SEC24A: variants seen among roughly 807,000 people sequenced by gnomAD.
SEC24A encodes the protein SEC24 homolog A, COPII component.
In SEC24A, 93 loss-of-function variants were observed where a neutral mutation model predicts 129.4. The observed-to-expected ratio is 0.72, with a 90% CI of 0.61 to 0.85. SEC24A has a LOEUF of 0.85. SEC24A is among the 40% of genes least tolerant of loss of function. The probability of loss-of-function intolerance (pLI) is 0.00; values close to 1 mark genes in which losing one functional copy is unlikely to be tolerated. For missense variants in SEC24A, 1,264 were observed against 1,307.4 expected (o/e 0.97, Z 0.51); for synonymous variants, 460 against 467.3 (o/e 0.98, Z 0.20).
intron 7 of SEC24A, among the ~76,000 whole-genome samples, chr5:134,676,326 G>C (rs1420462860): frequency 6.6e-6 from 1 of 151,780 alleles, no homozygotes; most frequent in Non-Finnish European, 1.5e-5. Flanking sequence ...TTTTAGTAGA[G>C]AGGGGGTTTC....
chr5:134,650,758 GTTT>G (rs1750020322), intron 1 of SEC24A, among the ~76,000 whole-genome samples: 1 of 150,706 alleles, frequency 6.6e-6, no homozygotes, highest in Non-Finnish European at 1.5e-5. Context: ...TTTCTACAGG[GTTT>G]TTTGTTTGTT....
chr5:134,708,655 G>A lies in SEC24A; in HGVS notation c.2552-58G>A, dbSNP rs143985884. ...AAAATTATCTCTTCTATCCTTAACA[G>A]TGGACTAGCTAAACTTCTATCATAT... is the stretch of plus-strand genomic sequence containing the variant. On this transcript the variant is annotated intron_variant, in intron 17 of 22. Transcript: ENST00000398844. 246 of 1,461,766 alleles carry A rather than the reference G, an allele frequency of 1.7e-4. No individual in the cohort carries two copies. The African/African-American group carries it at 3.3e-3, about 19-fold the overall frequency. The allele number at this position is 1,461,766 out of a possible 1,614,324, so 90.5% of individuals were successfully genotyped here. A position where few individuals can be genotyped will look rare whatever the true frequency, so the allele number is the denominator to read the frequency against.
intron 1 of SEC24A, among the ~76,000 whole-genome samples, chr5:134,656,869 A>T (rs2150068901): frequency 6.7e-6 from 1 of 148,622 alleles, no homozygotes; most frequent in South Asian, 2.1e-4. Flanking sequence ...GCAGCCTTGA[A>T]CTCCTGGGCT....
chr5:134,655,132 C>A (rs537431229), intron 1 of SEC24A, among the ~76,000 whole-genome samples: 124 of 152,214 alleles, frequency 8.1e-4, no homozygotes, highest in Middle Eastern at 3.4e-3. Context: ...CCACCGCACC[C>A]GGCCACATGA....
At chr5:134,712,027 G>C (rs1033692169) in intron 18 of SEC24A, among the ~76,000 whole-genome samples, 1 of 151,678 alleles carries the variant, frequency 6.6e-6, no homozygotes, top group Non-Finnish European at 1.5e-5. Context: ...GATTACAGGC[G>C]TGAGCCACCG....
At chr5:134,685,968 G>C (rs1751436892) in intron 9 of SEC24A, among the ~76,000 whole-genome samples, 1 of 151,778 alleles carries the variant, frequency 6.6e-6, no homozygotes, top group Admixed American at 6.6e-5. Flanking sequence ...CAGCATGGGG[G>C]ACACAGCGAG....
intron 6 of SEC24A, 117 bp downstream of exon 6, chr5:134,675,334 A>T: frequency 1.3e-6 from 1 of 748,546 alleles, no homozygotes; most frequent in South Asian, 2.5e-5. Context: ...AGTTCTGGAT[A>T]CAGATGATAG....
chr5:134,709,864 C>T (rs924939014), intron 18 of SEC24A, among the ~76,000 whole-genome samples: 2 of 149,122 alleles, frequency 1.3e-5, no homozygotes, highest in African/African-American at 5.2e-5. Context: ...ATTTTATTGG[C>T]TCTTTCCTGT....
At chr5:134,653,028 A>G (rs1442670863) in intron 1 of SEC24A, among the ~76,000 whole-genome samples, 1 of 150,502 alleles carries the variant, frequency 6.6e-6, no homozygotes, top group African/African-American at 2.5e-5. Flanking sequence ...GATGGTCTCA[A>G]TCTCCTGACC....
At chr5:134,691,803 G>A (rs1212828484) in intron 11 of SEC24A, among the ~76,000 whole-genome samples, 1 of 152,060 alleles carries the variant, frequency 6.6e-6, no homozygotes, top group African/African-American at 2.4e-5. Flanking sequence ...TTATGAGAAA[G>A]CATCTGCTTT....
At chr5:134,724,941 C>G (rs770363663) in intron 22 of SEC24A, 39 bp from the exon 23 acceptor site, 1 of 1,000,090 alleles carries the variant, frequency 1.0e-6, no homozygotes, top group Middle Eastern at 2.0e-4. Context: ...TATTTTACTG[C>G]TACATTTTAT....
Position 134,679,597 on chromosome 5 carries a change from T to A in SEC24A, c.1255-5T>A, listed in dbSNP as rs772121060. On this transcript the variant is annotated splice_polypyrimidine_tract_variant and splice_region_variant and intron_variant, in intron 7 of 22. Coordinates refer to ENST00000398844, the MANE Select transcript of SEC24A (RefSeq NM_021982.3). ...AAAAATTTAATTCTGTTTTTTTTTT[T>A]CCAGCAATTGCCTGTGGTTACCTCC... is the stretch of plus-strand genomic sequence containing the variant. The A allele has an allele frequency of 6.5e-7, 1 of 1,548,768 alleles. No individual in the cohort carries two copies. Among genetic ancestry groups the A allele is most frequent in the Non-Finnish European group, 8.7e-7 (1 of 1,142,940 alleles).
chr5:134,713,231 G>A (rs890908524), intron 18 of SEC24A, among the ~76,000 whole-genome samples: 11 of 152,054 alleles, frequency 7.2e-5, no homozygotes, highest in Admixed American at 4.6e-4. Context: ...GCGCCCGGCC[G>A]AAATATTTAA....
chr5:134,655,524 C>T (rs1750212257), intron 1 of SEC24A, among the ~76,000 whole-genome samples: 1 of 151,808 alleles, frequency 6.6e-6, no homozygotes, highest in Non-Finnish European at 1.5e-5. Context: ...TGGCGTGCGC[C>T]TGTAATCCCA....
chr5:134,717,811 A>G (rs1752521355), intron 19 of SEC24A, among the ~76,000 whole-genome samples: 1 of 152,046 alleles, frequency 6.6e-6, no homozygotes, highest in Non-Finnish European at 1.5e-5. Flanking sequence ...GCTACTCGGG[A>G]GGCTGAGGCA....
chr5:134,693,636 C>A, intron 12 of SEC24A, 91 bp from the exon 13 acceptor site: 1 of 1,501,658 alleles, frequency 6.7e-7, no homozygotes, highest in South Asian at 1.3e-5. Context: ...ATCATCATGA[C>A]TCAATGTCTT....
intron 1 of SEC24A, among the ~76,000 whole-genome samples, chr5:134,651,934 CTTTT>C (rs11294954): frequency 5.9e-5 from 8 of 135,232 alleles, no homozygotes; most frequent in Admixed American, 1.5e-4. Flanking sequence ...GTTGAAAACT[CTTTT>C]TTTTTTTTTT....
intron 8 of SEC24A, among the ~76,000 whole-genome samples, chr5:134,680,301 A>G (rs546605868): frequency 6.6e-6 from 1 of 152,300 alleles, no homozygotes; most frequent in East Asian, 1.9e-4. Context: ...TCTATTTGAA[A>G]GATTTGAGAA....
intron 18 of SEC24A, 32 bp from the exon 19 acceptor site, chr5:134,714,992 C>T: frequency 1.3e-6 from 2 of 1,596,798 alleles, no homozygotes; most frequent in Non-Finnish European, 1.7e-6. Flanking sequence ...AAAATATATT[C>T]TTTTGTGGGG....
Sources: gnomAD v4.1 joint callset for allele counts (sites outside exome capture counted in the v4.1 genomes callset) on GRCh38, gnomAD v4.1.1 for gene constraint, MANE v1.5 for transcripts, NCBI Gene and HGNC (gene_info 2026-07-23, HGNC 2026-07-21) for gene names.